The following CABLES1 variants were observed in gnomAD, a reference collection of about 807,000 sequenced individuals.
The protein encoded by CABLES1 is Cdk5 and Abl enzyme substrate 1.
A neutral mutation model predicts 57.8 loss-of-function variants in CABLES1; 36 were observed. The ratio of observed to expected loss-of-function variants is 0.62; its 90% CI spans 0.48 to 0.82. CABLES1 has a LOEUF of 0.82. CABLES1 is among the 40% of genes least tolerant of loss of function. The pLI, the probability that CABLES1 is intolerant of heterozygous loss-of-function variation, is 0.00. For missense variants in CABLES1, 767 were observed against 836.6 expected (o/e 0.92, Z 1.03); for synonymous variants, 374 against 363.0 (o/e 1.03, Z -0.35).
intron 4 of CABLES1, among the ~76,000 whole-genome samples, chr18:23,219,926 T>G (rs118012749): frequency 0.01 from 1,595 of 152,304 alleles, 16 homozygotes; most frequent in Non-Finnish European, 0.016. Context: ...TTTTTAAAAA[T>G]GGGCAGATCT....
chr18:23,212,489 T>C (rs1031553071), intron 3 of CABLES1, among the ~76,000 whole-genome samples: 22 of 152,176 alleles, frequency 1.4e-4, no homozygotes, highest in African/African-American at 5.1e-4. Context: ...TGAACTGCTA[T>C]GGAATTGACA....
intron 4 of CABLES1, among the ~76,000 whole-genome samples, chr18:23,232,672 G>A (rs937571584): frequency 1.3e-5 from 2 of 149,842 alleles, no homozygotes; most frequent in African/African-American, 2.4e-5. Context: ...GATTCTGAAC[G>A]GGACTCCAGA....
At chr18:23,137,184 G>C (rs78541537) in intron 1 of CABLES1, among the ~76,000 whole-genome samples, 3 of 152,352 alleles carry the variant, frequency 2.0e-5, no homozygotes, top group Non-Finnish European at 2.9e-5. Flanking sequence ...TAGGCCTAGG[G>C]GGGTGGGGAA....
chr18:23,248,512 CTTTTTTTTTTTTTTT>C (rs59555750), intron 7 of CABLES1, among the ~76,000 whole-genome samples: 1 of 90,714 alleles, frequency 1.1e-5, no homozygotes, highest in African/African-American at 4.3e-5. Context: ...GACCCTATGT[CTTTTTTTTTTTTTTT>C]TTTTTTTTTT....
chr18:23,136,833 G>GAGC (rs2046826291), intron 1 of CABLES1, among the ~76,000 whole-genome samples: 1 of 152,366 alleles, frequency 6.6e-6, no homozygotes, highest in African/African-American at 2.4e-5. Flanking sequence ...ATTCGCAGAG[G>GAGC]AGCACCGCGC....
At chr18:23,149,168 GCA>G (rs2046911503) in intron 1 of CABLES1, among the ~76,000 whole-genome samples, 1 of 152,046 alleles carries the variant, frequency 6.6e-6, no homozygotes, top group Non-Finnish European at 1.5e-5. Flanking sequence ...TGCTGGGATT[GCA>G]GAGGTGAGCC....
chr18:23,182,977 A>G (rs2047177960), intron 1 of CABLES1, among the ~76,000 whole-genome samples: 1 of 152,232 alleles, frequency 6.6e-6, no homozygotes, highest in African/African-American at 2.4e-5. Context: ...TACCTGGACC[A>G]CACACAGCTC....
At chr18:23,237,872 G>A (rs1254394482) in intron 7 of CABLES1, among the ~76,000 whole-genome samples, 2 of 152,224 alleles carry the variant, frequency 1.3e-5, no homozygotes, top group Non-Finnish European at 2.9e-5. Flanking sequence ...GGCCCTGGGC[G>A]CTTTCTCTGG....
chr18:23,241,698 T>A (rs1270713533), intron 7 of CABLES1, among the ~76,000 whole-genome samples: 1 of 152,184 alleles, frequency 6.6e-6, no homozygotes, highest in Non-Finnish European at 1.5e-5. Context: ...GGAGTGGGAC[T>A]TCTGAGTCCT....
At position 23,199,851 on chromosome 18, in the gene CABLES1, A is replaced by AT. The variant is rs1429774369; in HGVS notation, c.1010+5317dup. On this transcript the variant is annotated intron_variant, in intron 3 of 9. Coordinates refer to ENST00000256925, the MANE Select transcript of CABLES1 (RefSeq NM_001100619.3). ...TTTTATGTTTTATATATGTGTATAT[A>AT]TTTTTTCCCACAATAAAATAAAACA... 5.3e-5 allele frequency among the ~76,000 whole-genome samples: 8 copies of AT among 152,284 alleles called. No individual in the cohort carries two copies. The South Asian group carries it at 1.7e-3, about 32-fold the overall frequency.
chr18:23,135,250 C>A (rs979404694), upstream of CABLES1, among the ~76,000 whole-genome samples: 4 of 152,310 alleles, frequency 2.6e-5, no homozygotes, highest in South Asian at 8.3e-4. Context: ...CTCCGACAAC[C>A]CGGACAGCCG....
chr18:23,244,880 C>G (rs920546978), intron 7 of CABLES1, among the ~76,000 whole-genome samples: 1 of 152,218 alleles, frequency 6.6e-6, no homozygotes, highest in African/African-American at 2.4e-5. Flanking sequence ...CTCACATCTG[C>G]TTAGAACTGC....
chr18:23,190,602 G>C (rs576414036), intron 2 of CABLES1: 1 of 152,332 alleles, frequency 6.6e-6, no homozygotes, highest in East Asian at 1.9e-4. Context: ...CCTCAGCCTT[G>C]TGGTAGCACA....
intron 2 of CABLES1, among the ~76,000 whole-genome samples, chr18:23,192,203 G>C (rs1322097640): frequency 6.6e-6 from 1 of 152,222 alleles, no homozygotes; most frequent in African/African-American, 2.4e-5. Flanking sequence ...AAAATAAGGA[G>C]TTAAGCCGTC....
chr18:23,209,800 GAGA>G (rs1171156818), intron 3 of CABLES1, among the ~76,000 whole-genome samples: 1 of 77,560 alleles, frequency 1.3e-5, no homozygotes, highest in Non-Finnish European at 3.2e-5. Flanking sequence ...CGTGGCTGGT[GAGA>G]GACATTGCCA....
chr18:23,147,307 C>T (rs1184120767), intron 1 of CABLES1, among the ~76,000 whole-genome samples: 1 of 152,236 alleles, frequency 6.6e-6, no homozygotes, highest in South Asian at 2.1e-4. Context: ...TGCCGCTTAA[C>T]GGCACCTTTT....
chr18:23,260,033 C>T lies in CABLES1; in HGVS notation c.*2666C>T, dbSNP rs1004574928. The T allele has an allele frequency of 1.3e-5, 2 of 152,246 alleles. No individual in the cohort carries two copies. The highest frequency in any genetic ancestry group is 1.3e-4 in the Admixed American group (2 of 15,298). The allele number at this position is 152,246 out of a possible 1,614,324, so 9.4% of individuals were successfully genotyped here. On this transcript the variant is annotated 3_prime_UTR_variant, in exon 10 of 10. Transcript: ENST00000256925. ...CCGGGACTCCTCTAGTGAGCCTTGA[C>T]TGTTAGGTAAGAGACAGGAAGCAGA...
At position 23,253,894 on chromosome 18, in the gene CABLES1, T is replaced by C. The variant is rs2048101222; in HGVS notation, c.1719T>C (p.Ile573=). 1.2e-5 allele frequency: 20 copies of C among 1,614,184 alleles called. No individual in the cohort carries two copies. Among genetic ancestry groups the C allele is most frequent in the Non-Finnish European group, 1.7e-5 (20 of 1,180,036 alleles). The stretch of plus-strand genomic sequence containing the variant: ...CATGTGTGCTGTTAGCAGCCAAAAT[T>C]GGAAGTGACCTCAAAAAACACGAAG... ...AGACVLLAAK[I]GSDLKKHEVK... The change falls in exon 9 of 10, where the codon ATT becomes ATC. Residue 573 remains isoleucine (I), a synonymous_variant. Transcript: ENST00000256925.
rs190011925 is a variant in CABLES1 at position 23,200,385 on chromosome 18, G to A, written c.1010+5845G>A. 3.9e-3 allele frequency among the ~76,000 whole-genome samples: 592 copies of A among 151,996 alleles called. 5 individuals are homozygous for A. Among genetic ancestry groups the A allele is most frequent in the African/African-American group, 0.014 (574 of 41,450 alleles). On this transcript the variant is annotated intron_variant, in intron 3 of 9. Transcript: ENST00000256925. ...CACCATTCTCCTGCCTCAGCCTCCCGAGTAGCTGGGACTACAGGCACCCGC... is the reference window on the plus strand; with the variant it reads ...CACCATTCTCCTGCCTCAGCCTCCCAAGTAGCTGGGACTACAGGCACCCGC...
Sources: allele counts gnomAD v4.1 joint callset (sites outside exome capture counted in the v4.1 genomes callset), GRCh38; gene constraint gnomAD v4.1.1; transcripts MANE v1.5; gene names NCBI Gene and HGNC (gene_info 2026-07-23, HGNC 2026-07-21).